Variants in ZNF385D observed in about 807,000 individuals in gnomAD.
ZNF385D encodes the protein zinc finger protein 385D.
Under a neutral mutation model 35.8 loss-of-function variants are expected in ZNF385D, and 15 were observed. That is an observed-to-expected ratio of 0.42 (90% confidence interval 0.28 to 0.64). The LOEUF (loss-of-function observed/expected upper bound fraction) is 0.64. Ranked by LOEUF, ZNF385D falls within the 30% of genes least tolerant of loss-of-function variation. ZNF385D has a pLI of 0.23. For synonymous variants in ZNF385D, 212 were observed against 186.8 expected, an observed-to-expected ratio of 1.13 and a Z score of -1.10; for missense variants, 474 against 494.6, an observed-to-expected ratio of 0.96 and a Z score of 0.39.
chr3:21,594,920 GTCAA>G (rs1258404887), intron 2 of ZNF385D, among the ~76,000 whole-genome samples: 1 of 152,226 alleles, frequency 6.6e-6, no homozygotes, highest in South Asian at 2.1e-4. Flanking sequence ...GTATTATATA[GTCAA>G]TCAAGTAAAG....
intron 2 of ZNF385D, among the ~76,000 whole-genome samples, chr3:21,566,861 A>G (rs1273202428): frequency 1.3e-5 from 2 of 152,140 alleles, no homozygotes; most frequent in Non-Finnish European, 2.9e-5. Context: ...TCCTCCTCCC[A>G]GACCCTGAAA....
At chr3:22,166,578 G>C (rs1009344158) in intron 3 of ZNF385D, among the ~76,000 whole-genome samples, 1 of 152,112 alleles carries the variant, frequency 6.6e-6, no homozygotes, top group East Asian at 1.9e-4. Context: ...AGATCACTTT[G>C]GTTGGTTATG....
intron 3 of ZNF385D, among the ~76,000 whole-genome samples, chr3:22,010,219 G>C (rs1337378132): frequency 6.6e-6 from 1 of 152,182 alleles, no homozygotes; most frequent in Non-Finnish European, 1.5e-5. Context: ...GAGCATGAAA[G>C]GCAGAAGCAT....
rs149658505 is a variant in ZNF385D at position 22,008,063 on chromosome 3, A to T, written c.325+160754T>A. On this transcript the variant is annotated intron_variant, in intron 3 of 5. Coordinates refer to the ZNF385D transcript ENST00000494108. ...GTGAACTTTATTTTTCCAGAGTTTG[A>T]TGAGAAGTAGAATCCAATTTTACTT... Among the ~76,000 whole-genome samples, 48 of 152,110 alleles carry T rather than the reference A, an allele frequency of 3.2e-4. No homozygotes were observed. The East Asian group carries it at 9.3e-3, about 29-fold the overall frequency.
At chr3:22,044,658 A>G (rs1216513276) in intron 3 of ZNF385D, among the ~76,000 whole-genome samples, 1 of 152,120 alleles carries the variant, frequency 6.6e-6, no homozygotes, top group Non-Finnish European at 1.5e-5. Flanking sequence ...GATACAGGGC[A>G]CAGATTTATC....
At chr3:22,069,941 C>A (rs1700148770) in intron 3 of ZNF385D, among the ~76,000 whole-genome samples, 1 of 152,176 alleles carries the variant, frequency 6.6e-6, no homozygotes, top group African/African-American at 2.4e-5. Flanking sequence ...AAGCTCTCAG[C>A]AGCACCTTCA....
intron 4 of ZNF385D, among the ~76,000 whole-genome samples, chr3:21,486,643 A>G (rs2125394227): frequency 1.3e-5 from 2 of 152,282 alleles, no homozygotes; most frequent in East Asian, 1.9e-4. Flanking sequence ...GAAAGTTCAA[A>G]TGTAAAATAT....
chr3:22,234,703 A>G (rs1413001327), intron 2 of ZNF385D, among the ~76,000 whole-genome samples: 4 of 151,984 alleles, frequency 2.6e-5, no homozygotes, highest in African/African-American at 9.7e-5. Flanking sequence ...TGCTAATTAT[A>G]TATCTCTTTG....
At chr3:21,747,327 A>C (rs1298547469) in intron 1 of ZNF385D, among the ~76,000 whole-genome samples, 2 of 151,888 alleles carry the variant, frequency 1.3e-5, no homozygotes, top group East Asian at 3.9e-4. Context: ...GTATCATTTC[A>C]TTTTTTTTAG....
chr3:21,842,048 T>A (rs957564842), intron 3 of ZNF385D, among the ~76,000 whole-genome samples: 8 of 151,936 alleles, frequency 5.3e-5, no homozygotes, highest in Admixed American at 4.6e-4. Context: ...TTTGTATAAT[T>A]TTTATCATTT....
chr3:22,324,368 A>G (rs968168183), intron 2 of ZNF385D, among the ~76,000 whole-genome samples: 2 of 152,174 alleles, frequency 1.3e-5, no homozygotes, highest in African/African-American at 4.8e-5. Flanking sequence ...AGCTAGTAAG[A>G]TATTTCAGCA....
chr3:21,846,682 A>G (rs1352126), intron 3 of ZNF385D, among the ~76,000 whole-genome samples: 5,837 of 152,020 alleles, frequency 0.038, 388 homozygotes, highest in African/African-American at 0.13. Context: ...CCAGAGTCTG[A>G]TTCCTAGGAA....
At chr3:21,928,795 A>G in intron 3 of ZNF385D, among the ~76,000 whole-genome samples, 1 of 152,218 alleles carries the variant, frequency 6.6e-6, no homozygotes, top group East Asian at 1.9e-4. Flanking sequence ...AGAAGTAATA[A>G]GCAATCTGAA....
chr3:21,942,741 AG>A (rs755674518), intron 3 of ZNF385D: 2 of 152,202 alleles, frequency 1.3e-5, no homozygotes, highest in African/African-American at 4.8e-5. Context: ...ACAAACTGTC[AG>A]GGGAAACAAT....
At chr3:21,917,871 A>G (rs1479560870) in intron 3 of ZNF385D, among the ~76,000 whole-genome samples, 1 of 152,214 alleles carries the variant, frequency 6.6e-6, no homozygotes, top group Non-Finnish European at 1.5e-5. Flanking sequence ...TTAACACTCT[A>G]GTCAGTCATT....
intron 3 of ZNF385D, among the ~76,000 whole-genome samples, chr3:21,964,995 A>C (rs1439230922): frequency 1.3e-5 from 2 of 152,192 alleles, no homozygotes; most frequent in African/African-American, 2.4e-5. Flanking sequence ...CATTCCATTC[A>C]GTTACATTTG....
Position 21,413,060 on chromosome 3 carries a change from T to C in ZNF385D, c.*8154A>G, listed in dbSNP as rs1700514375. On this transcript the variant is annotated 3_prime_UTR_variant, in exon 8 of 8. Transcript: ENST00000281523. ...TTTTTTTCAAGAAAAAATAGTACTT[T>C]ACTGGTATACAAAGGGTAGTTCTTT... 6.6e-6 allele frequency: 1 copy of C among 151,990 alleles called. No individual in the cohort carries two copies. The highest frequency in any genetic ancestry group is 1.5e-5 in the Non-Finnish European group (1 of 67,970). 9.4% of individuals were successfully genotyped at this position (151,990 alleles called of 1,614,324 possible). A position where few individuals can be genotyped will look rare whatever the true frequency, so the allele number is the denominator to read the frequency against.
chr3:22,063,965 G>C (rs561434252), intron 3 of ZNF385D, among the ~76,000 whole-genome samples: 88 of 152,286 alleles, frequency 5.8e-4, no homozygotes, highest in Non-Finnish European at 1.1e-3. Context: ...TTAATCCTGA[G>C]AGCATGCCCC....
At chr3:21,481,894 C>T (rs1295939984) in intron 4 of ZNF385D, among the ~76,000 whole-genome samples, 1 of 152,112 alleles carries the variant, frequency 6.6e-6, no homozygotes, top group African/African-American at 2.4e-5. Flanking sequence ...TTCATAATCC[C>T]TGTTCCAAAT....
Sources: gnomAD v4.1 joint callset for allele counts (sites outside exome capture counted in the v4.1 genomes callset) on GRCh38, gnomAD v4.1.1 for gene constraint, MANE v1.5 for transcripts, NCBI Gene and HGNC (gene_info 2026-07-23, HGNC 2026-07-21) for gene names.